Variants in DLG1 observed in about 807,000 individuals in gnomAD.
DLG1 encodes the protein discs large MAGUK scaffold protein 1.
Under a neutral mutation model 123.4 loss-of-function variants are expected in DLG1, and 42 were observed. That is an observed-to-expected ratio of 0.34 (90% confidence interval 0.27 to 0.44). The LOEUF (loss-of-function observed/expected upper bound fraction) is 0.44. DLG1 is among the 20% of genes least tolerant of loss of function. DLG1 has a pLI of 1.00. For missense variants in DLG1, 942 were observed against 1,082.6 expected (o/e 0.87, Z 1.82); for synonymous variants, 317 against 356.2 (o/e 0.89, Z 1.24).
intron 4 of DLG1, among the ~76,000 whole-genome samples, chr3:197,273,322 A>C (rs1764781375): frequency 6.6e-6 from 1 of 151,276 alleles, no homozygotes; most frequent in South Asian, 2.1e-4. Flanking sequence ...ATCTCGGCTC[A>C]CTGCAACCTC....
intron 14 of DLG1, among the ~76,000 whole-genome samples, chr3:197,102,870 A>C (rs1453839872): frequency 6.6e-6 from 1 of 152,198 alleles, no homozygotes; most frequent in Admixed American, 6.5e-5. Flanking sequence ...AACAAACAAA[A>C]AAAATTACTT....
intron 4 of DLG1, among the ~76,000 whole-genome samples, chr3:197,265,552 G>C (rs1761320884): frequency 6.6e-6 from 1 of 152,190 alleles, no homozygotes; most frequent in Non-Finnish European, 1.5e-5. Context: ...AAGCTCCAGA[G>C]ATCTGCAGAG....
At chr3:197,194,147 C>T (rs553409136) in intron 5 of DLG1, among the ~76,000 whole-genome samples, 2 of 152,212 alleles carry the variant, frequency 1.3e-5, no homozygotes, top group South Asian at 4.1e-4. Flanking sequence ...GAAAATATTT[C>T]AGTGTGTGGT....
intron 4 of DLG1, among the ~76,000 whole-genome samples, chr3:197,229,951 A>G (rs1047329854): frequency 1.3e-5 from 2 of 152,254 alleles, no homozygotes; most frequent in East Asian, 3.8e-4. Context: ...TAATTTATCC[A>G]TGGTGTCACA....
At chr3:197,243,876 A>G (rs1426698975) in intron 4 of DLG1, among the ~76,000 whole-genome samples, 2 of 152,210 alleles carry the variant, frequency 1.3e-5, no homozygotes, top group Non-Finnish European at 2.9e-5. Flanking sequence ...CTATATAAAC[A>G]TGAGAGTCAA....
rs150827632 is a variant in DLG1, at chr3:197,053,196, C to A, written c.2484-1528G>T. On this transcript the variant is annotated intron_variant, in intron 23 of 24. Transcript: ENST00000667157. Reference sequence around the variant, plus strand: ...CGTTCCCAACTTAAAGGAAAGCCTTCAATATTTTGCCATTAATTATGACGT... The same window carrying A: ...CGTTCCCAACTTAAAGGAAAGCCTTAAATATTTTGCCATTAATTATGACGT... Among the ~76,000 whole-genome samples, 116 of 152,242 alleles carry A rather than the reference C, an allele frequency of 7.6e-4. 1 individual carries two copies. The highest frequency in any genetic ancestry group is 6.8e-3 in the Middle Eastern group (2 of 294).
rs867430800 is a variant in DLG1, at chr3:197,244,145, C to T, written c.318+38534G>A. On this transcript the variant is annotated intron_variant, in intron 4 of 24. Coordinates refer to ENST00000667157, the MANE Select transcript of DLG1 (RefSeq NM_001366207.1). ...TCTCCAAGAAATGCCAAGTTTTCCC[C>T]GTGTTGTGAGAGACATGAGGTAAAA... Among the ~76,000 whole-genome samples, 6 of 152,278 alleles carry T rather than the reference C, an allele frequency of 3.9e-5. No homozygotes were observed. The South Asian group carries it at 6.2e-4, about 16-fold the overall frequency.
At chr3:197,130,765 G>A in intron 10 of DLG1, 94 bp from the exon 11 acceptor site, 1 of 1,031,764 alleles carries the variant, frequency 9.7e-7, no homozygotes, top group Non-Finnish European at 1.4e-6. Context: ...ATAAGAGAGT[G>A]GTTTAAGGAA....
chr3:197,200,557 C>T (rs1281565215), intron 4 of DLG1, among the ~76,000 whole-genome samples: 5 of 152,104 alleles, frequency 3.3e-5, no homozygotes, highest in Non-Finnish European at 5.9e-5. Flanking sequence ...CACTAATGAA[C>T]ATAGATGTAA....
intron 18 of DLG1, among the ~76,000 whole-genome samples, chr3:197,073,381 T>TC (rs1745270872): frequency 6.6e-6 from 1 of 152,230 alleles, no homozygotes; most frequent in South Asian, 2.1e-4. Flanking sequence ...TAATTTTACT[T>TC]CTGAGCACCT....
chr3:197,123,932 T>C (rs1471007908), intron 11 of DLG1, among the ~76,000 whole-genome samples: 1 of 152,218 alleles, frequency 6.6e-6, no homozygotes, highest in Non-Finnish European at 1.5e-5. Context: ...TTGGTACCCT[T>C]ACTGAATATA....
chr3:197,108,008 T>C (rs1025912606), intron 13 of DLG1, among the ~76,000 whole-genome samples: 2 of 152,164 alleles, frequency 1.3e-5, no homozygotes, highest in African/African-American at 2.4e-5. Flanking sequence ...GTCTATTTAG[T>C]GTTCTTATCA....
intron 4 of DLG1, among the ~76,000 whole-genome samples, chr3:197,223,586 T>G (rs1226209762): frequency 6.6e-6 from 1 of 152,252 alleles, no homozygotes; most frequent in Non-Finnish European, 1.5e-5. Flanking sequence ...GTAAGATTAC[T>G]TGTTGTTTAC....
Position 197,158,634 on chromosome 3 carries a change from C to CAAAAAAAAAAAAAAAAAA in DLG1, c.484-8856_484-8839dup, listed in dbSNP as rs71623339. Among the ~76,000 whole-genome samples the CAAAAAAAAAAAAAAAAAA allele has an allele frequency of 9.6e-4, 65 of 67,476 alleles. 4 individuals carry two copies. The highest frequency in any genetic ancestry group is 2.7e-3 in the African/African-American group (49 of 18,124). The allele number at this position is 67,476 out of a possible 152,430, so 44.3% of individuals were successfully genotyped here. The stretch of plus-strand genomic sequence containing the variant: ...GGGTAACAAGAGCAAAACTCCATTT[C>CAAAAAAAAAAAAAAAAAA]AAAAAAAAAAAAAAAAAAAAAAAGC... On this transcript the variant is annotated intron_variant, in intron 5 of 24. Transcript: ENST00000667157.
chr3:197,085,537 T>C (rs1268171124), intron 16 of DLG1, 43 bp downstream of exon 16: 2 of 1,592,334 alleles, frequency 1.3e-6, no homozygotes, highest in African/African-American at 1.3e-5. Context: ...GAACATCAAT[T>C]ATTTATGTTG....
intron 1 of DLG1, chr3:197,297,926 G>C: frequency 1.0e-5 from 10 of 984,082 alleles, no homozygotes; most frequent in Non-Finnish European, 1.2e-5. Flanking sequence ...CGAGCGGAGG[G>C]GGCGAAGGGA....
At position 197,075,791 on chromosome 3, in the gene DLG1, G is replaced by A. The variant is rs374123408; in HGVS notation, c.2005+795C>T. On this transcript the variant is annotated intron_variant, in intron 18 of 24. Coordinates refer to ENST00000667157, the MANE Select transcript of DLG1 (RefSeq NM_001366207.1). ...AAATGTATCTGAATAAGGTAGGTCT[G>A]CAGATGGAGGTTAAAAAATAACTTG... 340 of 1,565,950 alleles carry A rather than the reference G, an allele frequency of 2.2e-4. 1 individual carries two copies. The highest frequency in any genetic ancestry group is 4.2e-4 in the South Asian group (38 of 89,596).
chr3:197,087,843 T>C (rs772596716), intron 15 of DLG1, among the ~76,000 whole-genome samples: 4 of 152,120 alleles, frequency 2.6e-5, no homozygotes, highest in Non-Finnish European at 4.4e-5. Context: ...ACACTGTATG[T>C]AGCACTTAGA....
chr3:197,261,519 G>C (rs1052835616), intron 4 of DLG1, among the ~76,000 whole-genome samples: 3 of 152,136 alleles, frequency 2.0e-5, no homozygotes, highest in Non-Finnish European at 4.4e-5. Flanking sequence ...TGCAATTTTT[G>C]TCCACAAAGT....
Sources: gnomAD v4.1 joint callset for allele counts (sites outside exome capture counted in the v4.1 genomes callset) on GRCh38, gnomAD v4.1.1 for gene constraint, MANE v1.5 for transcripts, NCBI Gene and HGNC (gene_info 2026-07-23, HGNC 2026-07-21) for gene names.